The following NPY2R variants were observed in gnomAD, a reference collection of about 807,000 sequenced individuals.
NPY2R encodes neuropeptide Y receptor type 2.
In NPY2R, 17 loss-of-function variants were observed where a neutral mutation model predicts 22.3. That is an observed-to-expected ratio of 0.76 (90% CI 0.52 to 1.14). The LOEUF (loss-of-function observed/expected upper bound fraction) is 1.14, where lower values mean the gene tolerates loss of function less well. Ranked by LOEUF, NPY2R falls within the 50% of genes most tolerant of loss-of-function variation. NPY2R has a pLI of 0.00. For missense variants in NPY2R, 424 were observed against 467.9 expected (o/e 0.91, Z 0.87); for synonymous variants, 209 against 183.4 (o/e 1.14, Z -1.13).
chr4:155,216,191 G>A lies in NPY2R; in HGVS notation c.*1106G>A, dbSNP rs898141790. 4 of 166,856 alleles carry A rather than the reference G, an allele frequency of 2.4e-5. No individual in the cohort carries two copies. Among genetic ancestry groups the A allele is most frequent in the African/African-American group, 9.7e-5 (4 of 41,420 alleles). The allele number at this position is 166,856 out of a possible 1,614,324, so 10.3% of individuals were successfully genotyped here. On this transcript the variant is annotated 3_prime_UTR_variant, in exon 2 of 2. Transcript: ENST00000329476. ...AAAAACACTGGATTCATTTCATCTTGCAAATGTTGTATTTCAAACCAGTTT... is the reference window on the plus strand; with the variant it reads ...AAAAACACTGGATTCATTTCATCTTACAAATGTTGTATTTCAAACCAGTTT...
intron 1 of NPY2R, among the ~76,000 whole-genome samples, chr4:155,212,870 T>C (rs1168789958): frequency 1.3e-5 from 2 of 152,176 alleles, no homozygotes; most frequent in Admixed American, 1.3e-4. Context: ...AAAAAGCAAC[T>C]GTTCCAACCC....
the NPY2R span, among the ~76,000 whole-genome samples, chr4:155,180,446 T>C: frequency 6.6e-6 from 1 of 152,218 alleles, no homozygotes; most frequent in African/African-American, 2.4e-5. Flanking sequence ...TGAAACAATA[T>C]GATTGCTCAG....
the NPY2R span, among the ~76,000 whole-genome samples, chr4:155,197,418 C>T: frequency 1.3e-5 from 2 of 151,708 alleles, no homozygotes; most frequent in African/African-American, 4.8e-5. Context: ...TGTATGTCCC[C>T]TCTCCCACTT....
At chr4:155,197,149 T>G in the NPY2R span, among the ~76,000 whole-genome samples, 1 of 152,010 alleles carries the variant, frequency 6.6e-6, no homozygotes, top group South Asian at 2.1e-4. Flanking sequence ...TTTTTTTCAC[T>G]GTCATGTTTA....
chr4:155,175,370 C>A, the NPY2R span, among the ~76,000 whole-genome samples: 1 of 152,050 alleles, frequency 6.6e-6, no homozygotes, highest in African/African-American at 2.4e-5. Flanking sequence ...GGTCGACTTA[C>A]CTGAACATCA....
the NPY2R span, among the ~76,000 whole-genome samples, chr4:155,186,167 T>C: frequency 2.6e-5 from 4 of 152,180 alleles, no homozygotes; most frequent in Non-Finnish European, 5.9e-5. Context: ...TCCAAGGTTA[T>C]ACAGTTAATT....
upstream of NPY2R, chr4:155,206,544 T>C (rs1302626494): frequency 6.6e-6 from 1 of 152,240 alleles, no homozygotes; most frequent in Non-Finnish European, 1.5e-5. Context: ...CATCCAATTC[T>C]GAACTTTATT....
chr4:155,182,554 G>A, the NPY2R span, among the ~76,000 whole-genome samples: 13 of 152,286 alleles, frequency 8.5e-5, no homozygotes, highest in East Asian at 2.3e-3. Flanking sequence ...GATGTTTAAA[G>A]TGTCAGTGCT....
At chr4:155,174,482 A>ATTTTTT in the NPY2R span, among the ~76,000 whole-genome samples, 69 of 104,458 alleles carry the variant, frequency 6.6e-4, 1 homozygote, top group African/African-American at 3.5e-3. Context: ...ATATATATAT[A>ATTTTTT]TATTTTTTTT....
At chr4:155,181,164 G>A in the NPY2R span, among the ~76,000 whole-genome samples, 12 of 151,856 alleles carry the variant, frequency 7.9e-5, no homozygotes, top group Non-Finnish European at 1.5e-4. Flanking sequence ...ACAATTACCC[G>A]GTAGTGCATT....
At chr4:155,209,886 C>T (rs1477189130) in intron 1 of NPY2R, among the ~76,000 whole-genome samples, 1 of 152,094 alleles carries the variant, frequency 6.6e-6, no homozygotes, top group Non-Finnish European at 1.5e-5. Context: ...CATCTCTCCT[C>T]AAAGCATGAA....
At chr4:155,204,673 T>C (rs1236560063), upstream of NPY2R, among the ~76,000 whole-genome samples, 1 of 152,122 alleles carries the variant, frequency 6.6e-6, no homozygotes, top group Non-Finnish European at 1.5e-5. Context: ...ATTTATTATA[T>C]TAAGGAAATG....
At chr4:155,205,752 C>T (rs562616666), upstream of NPY2R, among the ~76,000 whole-genome samples, 70 of 152,160 alleles carry the variant, frequency 4.6e-4, no homozygotes, top group African/African-American at 1.7e-3. Context: ...TGTCAGACAT[C>T]AAATACTAAT....
chr4:155,214,652 C>G lies in NPY2R; in HGVS notation c.713C>G (p.Ser238Cys). ...YVLPLGIISF[S>C]YTRIWSKLKN... ...TTGCCTCTGGGCATTATATCATTTT[C>G]CTACACTCGCATTTGGAGTAAATTG... The change falls in exon 2 of 2, where the codon TCC becomes TGC. Residue 238 changes from serine (S) to cysteine (C), a missense_variant. Transcript: ENST00000329476. The G allele has an allele frequency of 6.2e-7, 1 of 1,614,204 alleles. No individual in the cohort carries two copies. Among genetic ancestry groups the G allele is most frequent in the Non-Finnish European group, 8.5e-7 (1 of 1,180,034 alleles).
intron 1 of NPY2R, 26 bp from the exon 2 acceptor site, chr4:155,213,866 T>C: frequency 8.2e-7 from 1 of 1,213,864 alleles, no homozygotes; most frequent in Non-Finnish European, 1.2e-6. Flanking sequence ...GTTGTTGTTT[T>C]GTTTTATTTT....
chr4:155,186,129 A>G, the NPY2R span, among the ~76,000 whole-genome samples: 1 of 152,144 alleles, frequency 6.6e-6, no homozygotes, highest in Non-Finnish European at 1.5e-5. Flanking sequence ...GGATCCAAAG[A>G]TTATTTATTA....
chr4:155,194,898 C>T, the NPY2R span, among the ~76,000 whole-genome samples: 15 of 151,998 alleles, frequency 9.9e-5, no homozygotes, highest in Non-Finnish European at 2.2e-4. Flanking sequence ...CCAGCACCTG[C>T]TATTTTCTGA....
At chr4:155,201,526 C>A in the NPY2R span, among the ~76,000 whole-genome samples, 1 of 152,168 alleles carries the variant, frequency 6.6e-6, no homozygotes, top group Admixed American at 6.5e-5. Flanking sequence ...GAACTTCTGA[C>A]CCACAAAGAG....
intron 1 of NPY2R, among the ~76,000 whole-genome samples, chr4:155,210,541 T>C (rs1729382409): frequency 6.6e-6 from 1 of 152,214 alleles, no homozygotes; most frequent in Non-Finnish European, 1.5e-5. Context: ...TGAGTAACTG[T>C]ACTCTAAAAC....
Sources: gnomAD v4.1 joint callset for allele counts (sites outside exome capture counted in the v4.1 genomes callset) on GRCh38, gnomAD v4.1.1 for gene constraint, MANE v1.5 for transcripts, NCBI Gene and HGNC (gene_info 2026-07-23, HGNC 2026-07-21) for gene names.